The following BEST3 variants were observed in gnomAD, a reference collection of about 807,000 sequenced individuals.
BEST3 encodes bestrophin 3.
A neutral mutation model predicts 47.1 loss-of-function variants in BEST3; 50 were observed. The observed-to-expected ratio is 1.06, with a 90% CI of 0.85 to 1.34. The LOEUF is 1.34. Ranked by LOEUF, BEST3 falls within the 40% of genes most tolerant of loss-of-function variation. The pLI, the probability that BEST3 is intolerant of heterozygous loss-of-function variation, is 0.00. For missense variants in BEST3, 765 were observed against 817.0 expected (o/e 0.94, Z 0.78); for synonymous variants, 282 against 298.8 (o/e 0.94, Z 0.58).
chr12:69,647,078 G>C (rs925314326), intron 9 of BEST3, among the ~76,000 whole-genome samples: 1 of 152,206 alleles, frequency 6.6e-6, no homozygotes, highest in African/African-American at 2.4e-5. Context: ...GGGGAGTAAA[G>C]ACTTAGACTG....
chr12:69,647,187 T>C (rs6581900), intron 9 of BEST3, among the ~76,000 whole-genome samples: 2 of 152,028 alleles, frequency 1.3e-5, no homozygotes, highest in African/African-American at 4.8e-5. Context: ...TAGAATTTGA[T>C]TGTGGACTCC....
chr12:69,696,166 A>G (rs1886124662), intron 2 of BEST3, among the ~76,000 whole-genome samples: 1 of 152,174 alleles, frequency 6.6e-6, no homozygotes, highest in South Asian at 2.1e-4. Context: ...TAAGATAGAA[A>G]GATCTATTTT....
At position 69,655,674 on chromosome 12, in the gene BEST3, T is replaced by G; in HGVS notation, c.1240A>C (p.Arg414=). 9.9e-6 allele frequency: 16 copies of G among 1,614,054 alleles called. No individual in the cohort carries two copies. Among genetic ancestry groups the G allele is most frequent in the Non-Finnish European group, 1.4e-5 (16 of 1,179,992 alleles). ...ATGGAGCTGTCACTTGTCTGCCTCC[T>G]GTAGCTTCTTCTTCTGGGGCTGGAG... ...HPSSPRRRSY[R]RQTSDSSMFL... Residue 414 remains arginine (R), a synonymous_variant, in exon 10 of 10, where the codon AGG becomes CGG. Transcript: ENST00000330891.
At chr12:69,660,902 A>T (rs935575525) in intron 9 of BEST3, 1 of 152,350 alleles carries the variant, frequency 6.6e-6, no homozygotes, top group African/African-American at 2.4e-5. Flanking sequence ...TTCAAAATAC[A>T]TATGGAATAC....
rs1287934934 is a variant in BEST3, at chr12:69,671,454, T to C, written c.1074A>G (p.Ser358=). The C allele has an allele frequency of 1.2e-6, 2 of 1,613,806 alleles. No homozygotes were observed. The change falls in exon 9 of 10, where the codon TCA becomes TCG. Residue 358 remains serine, a synonymous_variant. Transcript: ENST00000330891. ...TLAAADYCIP[S]FLGSTVQMGL... is the part of the protein sequence containing the mutation. The stretch of plus-strand genomic sequence containing the variant: ...CCATCTGGACTGTTGACCCCAGAAA[T>C]GAGGGTATGCAGTAGTCAGCAGCTG...
intron 4 of BEST3, chr12:69,684,680 A>C (rs1212732812): frequency 4.5e-5 from 25 of 560,640 alleles, no homozygotes; most frequent in Non-Finnish European, 6.9e-5. Flanking sequence ...GGAAGAGTGC[A>C]ACGTGCCTGG....
At position 69,655,747 on chromosome 12, in the gene BEST3, A is replaced by G. The variant is rs757721513; in HGVS notation, c.1167T>C (p.His389=). 6.2e-7 allele frequency: 1 copy of G among 1,613,862 alleles called. No homozygotes were observed. The highest frequency in any genetic ancestry group is 8.5e-7 in the Non-Finnish European group (1 of 1,179,938). The change falls in exon 10 of 10, where the codon CAT becomes CAC. Residue 389 remains histidine, a synonymous_variant. Transcript: ENST00000330891. The part of the protein sequence containing the change: ...LWDYEKHGHR[H]SMIRRVKRFL... ...ACCGCTTGACTCTTCTTATCATGGA[A>G]TGCCGATGGCCATGCTTCTCATAAT...
intron 2 of BEST3, among the ~76,000 whole-genome samples, chr12:69,695,965 C>T (rs946028133): frequency 1.3e-5 from 2 of 152,006 alleles, no homozygotes; most frequent in African/African-American, 4.8e-5. Flanking sequence ...TTGTCAAATT[C>T]CTCCAAAAAT....
intron 4 of BEST3, among the ~76,000 whole-genome samples, chr12:69,681,928 A>C (rs1592360358): frequency 6.6e-6 from 1 of 152,154 alleles, no homozygotes; most frequent in Non-Finnish European, 1.5e-5. Flanking sequence ...TAAAATTACA[A>C]AAATTAGCCG....
chr12:69,689,236 G>C, intron 4 of BEST3: 1 of 985,608 alleles, frequency 1.0e-6, no homozygotes, highest in Non-Finnish European at 1.2e-6. Flanking sequence ...GAAGAACTTG[G>C]AAGCAGACCC....
rs114575003 is a variant in BEST3, at chr12:69,673,223, G to A, written c.868-258C>T. 4.3e-3 allele frequency among the ~76,000 whole-genome samples: 660 copies of A among 152,286 alleles called. 3 individuals carry two copies. Among genetic ancestry groups the A allele is most frequent in the African/African-American group, 0.015 (626 of 41,562 alleles). On this transcript the variant is annotated intron_variant, in intron 7 of 9. Transcript: ENST00000330891. ...TGGTGACAATGCAGGCCCTATCAGG[G>A]GAAGCCATGTCCTATTTAGGAGCCA...
chr12:69,643,689 C>CT (rs1417116431), exon 10 of BEST3: 1 of 688,408 alleles, frequency 1.5e-6, no homozygotes, highest in Non-Finnish European at 2.7e-6. Flanking sequence ...AGTGTTGTAC[C>CT]TTTAACCACC....
At chr12:69,670,158 G>A (rs4761164) in intron 9 of BEST3, 88,336 of 291,064 alleles carry the variant, frequency 0.3, 15,058 homozygotes, top group South Asian at 0.49. Flanking sequence ...ATTGCTGGAT[G>A]TCCATGAAGC....
chr12:69,684,498 G>C (rs1885441100), intron 4 of BEST3: 2 of 596,676 alleles, frequency 3.4e-6, no homozygotes, highest in Non-Finnish European at 6.5e-6. Flanking sequence ...AGTTGAGGCA[G>C]ATGTCTTTTG....
chr12:69,696,591 G>A (rs775427), intron 2 of BEST3, among the ~76,000 whole-genome samples: 150,994 of 152,274 alleles, frequency 0.99, 74,876 homozygotes, highest in Middle Eastern at 1. Context: ...ATTTTGTCAA[G>A]ATATATACCA....
At chr12:69,669,271 T>G (rs891748163) in intron 9 of BEST3, among the ~76,000 whole-genome samples, 50 of 152,186 alleles carry the variant, frequency 3.3e-4, no homozygotes, top group Non-Finnish European at 8.8e-5. Flanking sequence ...GTGGTCCACT[T>G]TAATGGTCCT....
At chr12:69,663,496 A>G (rs774832123) in intron 9 of BEST3, among the ~76,000 whole-genome samples, 57 of 152,216 alleles carry the variant, frequency 3.7e-4, no homozygotes, top group Non-Finnish European at 7.2e-4. Flanking sequence ...GGTTAATAGC[A>G]TCTCCATAGT....
chr12:69,656,266 G>A (rs184798990), intron 9 of BEST3, among the ~76,000 whole-genome samples: 74 of 152,242 alleles, frequency 4.9e-4, no homozygotes, highest in Admixed American at 1.4e-3. Flanking sequence ...ACTCTCTGGA[G>A]TGGTCTTAGG....
At chr12:69,644,582 A>G (rs1168277427) in intron 9 of BEST3, among the ~76,000 whole-genome samples, 4 of 152,210 alleles carry the variant, frequency 2.6e-5, no homozygotes, top group African/African-American at 9.6e-5. Context: ...TGAGGACATA[A>G]GGTTTTTTTA....
Sources: gnomAD v4.1 joint callset for allele counts (sites outside exome capture counted in the v4.1 genomes callset) on GRCh38, gnomAD v4.1.1 for gene constraint, MANE v1.5 for transcripts, NCBI Gene and HGNC (gene_info 2026-07-23, HGNC 2026-07-21) for gene names.